Variants in TBC1D32 observed in about 807,000 individuals in gnomAD.
The protein encoded by TBC1D32 is TBC1 domain family member 32.
Under a neutral mutation model 170.3 loss-of-function variants are expected in TBC1D32, and 151 were observed. The observed-to-expected ratio is 0.89, with a 90% confidence interval of 0.78 to 1.01. The LOEUF is 1.01. Among genes scored for constraint, TBC1D32 ranks in the 50% least tolerant of loss-of-function variants. The pLI is 0.00. For synonymous variants in TBC1D32, 498 were observed against 488.0 expected (o/e 1.02, Z -0.27); for missense variants, 1,464 against 1,457.1 (o/e 1.00, Z -0.08).
intron 30 of TBC1D32, among the ~76,000 whole-genome samples, chr6:121,105,727 G>A (rs533076217): frequency 4.8e-4 from 73 of 152,060 alleles, no homozygotes; most frequent in Non-Finnish European, 9.9e-4. Flanking sequence ...CTTGCCCTCT[G>A]TTACCTCAGT....
At chr6:121,087,929 T>C (rs12111093) in intron 31 of TBC1D32, among the ~76,000 whole-genome samples, 2,776 of 151,150 alleles carry the variant, frequency 0.018, 81 homozygotes, top group African/African-American at 0.063. Context: ...ATTATGGCTG[T>C]GGTATGCAGT....
chr6:121,154,164 G>A (rs1259845129), intron 24 of TBC1D32, among the ~76,000 whole-genome samples: 1 of 152,116 alleles, frequency 6.6e-6, no homozygotes, highest in Non-Finnish European at 1.5e-5. Flanking sequence ...TTGCGAAGAT[G>A]GTGGGAAAAG....
At chr6:121,330,746 T>A (rs187644595) in intron 1 of TBC1D32, among the ~76,000 whole-genome samples, 37 of 152,260 alleles carry the variant, frequency 2.4e-4, no homozygotes, top group Non-Finnish European at 2.9e-5. Flanking sequence ...TAAGCATCAG[T>A]ATTTTTCTAA....
chr6:121,286,972 AG>A (rs1265999025), intron 12 of TBC1D32, among the ~76,000 whole-genome samples: 1 of 152,200 alleles, frequency 6.6e-6, no homozygotes, highest in African/African-American at 2.4e-5. Context: ...TGTCACCACC[AG>A]GCCTGCCCTA....
rs532996320 is a variant in TBC1D32, at chr6:121,171,878, T to C, written c.2571-10822A>G. Among the ~76,000 whole-genome samples the C allele has an allele frequency of 5.3e-5, 8 of 152,096 alleles. No homozygotes were observed. The East Asian group carries it at 1.5e-3, about 29-fold the overall frequency. The stretch of plus-strand genomic sequence containing the variant: ...TAAGGTCTCTCTGAAAGGTGGTATT[T>C]GAGGAAATAGGCGATCCAAGAAGAA... On this transcript the variant is annotated intron_variant, in intron 22 of 31. Transcript: ENST00000398212.
At chr6:121,115,560 C>T (rs961143687) in intron 26 of TBC1D32, 3 of 193,370 alleles carry the variant, frequency 1.6e-5, no homozygotes, top group Middle Eastern at 2.0e-3. Context: ...AGAAATACTA[C>T]TTTCATCATG....
At chr6:121,113,311 T>C (rs1471419634) in intron 27 of TBC1D32, 134 bp from the exon 28 acceptor site, 2 of 531,258 alleles carry the variant, frequency 3.8e-6, no homozygotes, top group Non-Finnish European at 6.6e-6. Flanking sequence ...TTCTGATGAT[T>C]ATGATATATT....
chr6:121,159,093 T>G (rs1785269014), intron 24 of TBC1D32, among the ~76,000 whole-genome samples: 1 of 152,184 alleles, frequency 6.6e-6, no homozygotes, highest in Non-Finnish European at 1.5e-5. Flanking sequence ...CTTCTCTTAC[T>G]CAGAAAATAA....
At chr6:121,171,688 A>G (rs561675812) in intron 22 of TBC1D32, among the ~76,000 whole-genome samples, 59 of 152,298 alleles carry the variant, frequency 3.9e-4, no homozygotes, top group African/African-American at 1.3e-3. Context: ...GAGATGAAAC[A>G]AGACTGGTGA....
At chr6:121,144,745 A>G (rs1783201473) in intron 24 of TBC1D32, among the ~76,000 whole-genome samples, 1 of 152,150 alleles carries the variant, frequency 6.6e-6, no homozygotes, top group Non-Finnish European at 1.5e-5. Context: ...AGCATATTGG[A>G]TAGTATTTCA....
intron 13 of TBC1D32, among the ~76,000 whole-genome samples, chr6:121,282,867 T>TATAC (rs1803227518): frequency 6.6e-6 from 1 of 151,884 alleles, no homozygotes; most frequent in Non-Finnish European, 1.5e-5. Context: ...GCTAGTTCTT[T>TATAC]ATACATGTAA....
At chr6:121,189,375 A>G (rs1286074242) in intron 22 of TBC1D32, among the ~76,000 whole-genome samples, 1 of 151,960 alleles carries the variant, frequency 6.6e-6, no homozygotes, top group Non-Finnish European at 1.5e-5. Flanking sequence ...AGTCTAACTG[A>G]GCATTTCCAA....
In TBC1D32 at chr6:121,096,197, T is replaced by C. The variant is rs561274999; in HGVS notation, c.3466-5156A>G. On this transcript the variant is annotated intron_variant, in intron 30 of 31. Transcript: ENST00000398212. ...TGTCCAGGAATTTATCCATTTCTTC[T>C]AGATTTTCTAGTTTATTTGTGTAGA... is the stretch of plus-strand genomic sequence containing the variant. The C allele has an allele frequency of 3.3e-5, 5 of 152,268 alleles. No individual in the cohort carries two copies. The South Asian group carries it at 6.2e-4, about 19-fold the overall frequency. The allele number at this position is 152,268 out of a possible 1,614,324, so 9.4% of individuals were successfully genotyped here.
At chr6:121,186,258 A>G (rs1789195375) in intron 22 of TBC1D32, among the ~76,000 whole-genome samples, 1 of 152,072 alleles carries the variant, frequency 6.6e-6, no homozygotes, top group African/African-American at 2.4e-5. Context: ...TGAAAGAAAG[A>G]CTGCTCCTAT....
At position 121,143,848 on chromosome 6, in the gene TBC1D32, T is replaced by C. The variant is rs1783102566; in HGVS notation, c.2774-12096A>G. Among the ~76,000 whole-genome samples the C allele has an allele frequency of 3.9e-5, 6 of 152,072 alleles. No homozygotes were observed. The South Asian group carries it at 1.2e-3, about 32-fold the overall frequency. ...TTTCATTGAGTTCACAGAAAAAGCA[T>C]CACTCTACTCTCTTAGGTACAAAAT... On this transcript the variant is annotated intron_variant, in intron 24 of 31. Transcript: ENST00000398212.
intron 21 of TBC1D32, among the ~76,000 whole-genome samples, chr6:121,211,828 C>CA (rs1433472437): frequency 6.6e-6 from 1 of 152,124 alleles, no homozygotes; most frequent in Non-Finnish European, 1.5e-5. Flanking sequence ...CACCCTGGAG[C>CA]CCCCTACTCT....
Position 121,080,567 on chromosome 6 carries a change from A to T in TBC1D32, c.*204T>A, listed in dbSNP as rs976321588. The T allele has an allele frequency of 1.6e-6, 1 of 611,602 alleles. No homozygotes were observed. Among genetic ancestry groups the T allele is most frequent in the Non-Finnish European group, 2.6e-6 (1 of 388,670 alleles). The allele number at this position is 611,602 out of a possible 1,614,324, so 37.9% of individuals were successfully genotyped here. ...CTAAAAGTAAGCTAGATCTGATTCT[A>T]TAATAACCTTACAAAACAACAAATT... is the stretch of plus-strand genomic sequence containing the variant. On this transcript the variant is annotated 3_prime_UTR_variant, in exon 32 of 32. Transcript: ENST00000398212.
intron 31 of TBC1D32, among the ~76,000 whole-genome samples, chr6:121,089,349 A>C (rs1174898091): frequency 6.6e-6 from 1 of 152,140 alleles, no homozygotes; most frequent in Non-Finnish European, 1.5e-5. Flanking sequence ...AGAAAAACTA[A>C]AGTAGGATAA....
intron 22 of TBC1D32, among the ~76,000 whole-genome samples, chr6:121,193,044 A>G (rs1260840050): frequency 6.6e-6 from 1 of 152,166 alleles, no homozygotes; most frequent in Non-Finnish European, 1.5e-5. Context: ...ACTACACTAG[A>G]AAAGAACTGC....
Sources: gnomAD v4.1 joint callset for allele counts (sites outside exome capture counted in the v4.1 genomes callset) on GRCh38, gnomAD v4.1.1 for gene constraint, MANE v1.5 for transcripts, NCBI Gene and HGNC (gene_info 2026-07-23, HGNC 2026-07-21) for gene names.